PLCH2: variants seen among roughly 807,000 people sequenced by gnomAD.
PLCH2 encodes 1-phosphatidylinositol 4,5-bisphosphate phosphodiesterase eta-2.
In PLCH2, 98 loss-of-function variants were observed where a neutral mutation model predicts 134.7. That is an observed-to-expected ratio of 0.73 (90% confidence interval 0.62 to 0.86). PLCH2 has a LOEUF of 0.86. Ranked by LOEUF, PLCH2 falls within the 40% of genes least tolerant of loss-of-function variation. PLCH2 has a pLI of 0.00. For synonymous variants in PLCH2, 974 were observed against 827.5 expected (o/e 1.18, Z -3.04); for missense variants, 1,994 against 1,986.6 (o/e 1.00, Z -0.07).
At chr1:2,421,743 G>A (rs1201190527), upstream of PLCH2, among the ~76,000 whole-genome samples, 1 of 152,166 alleles carries the variant, frequency 6.6e-6, no homozygotes, top group Non-Finnish European at 1.5e-5. Context: ...GGAGGTCAAG[G>A]CAGGAGGATC....
intron 2 of PLCH2, among the ~76,000 whole-genome samples, chr1:2,447,053 C>G (rs988443246): frequency 1.1e-4 from 16 of 152,326 alleles, no homozygotes; most frequent in Admixed American, 2.0e-4. Flanking sequence ...CTCCCACCCC[C>G]TCATGTGCTC....
chr1:2,487,566 C>T (rs760909558), intron 7 of PLCH2, 32 bp from the exon 8 acceptor site: 1 of 1,601,642 alleles, frequency 6.2e-7, no homozygotes, highest in East Asian at 2.2e-5. Flanking sequence ...TGGCTAGGCC[C>T]CTGGGGCTGA....
At chr1:2,419,829 C>T in the PLCH2 span, among the ~76,000 whole-genome samples, 2 of 152,178 alleles carry the variant, frequency 1.3e-5, no homozygotes, top group South Asian at 2.1e-4. Flanking sequence ...TGAAGCTGTC[C>T]GTAGAAGCTG....
chr1:2,487,570 G>C, intron 7 of PLCH2, 28 bp from the exon 8 acceptor site: 1 of 1,603,684 alleles, frequency 6.2e-7, no homozygotes, highest in East Asian at 2.2e-5. Context: ...TAGGCCCCTG[G>C]GGCTGACCAA....
At position 2,439,386 on chromosome 1, in the gene PLCH2, C is replaced by T. The variant is rs955257039; in HGVS notation, c.115+8757C>T. Among the ~76,000 whole-genome samples the T allele has an allele frequency of 5.3e-5, 8 of 152,162 alleles. No individual in the cohort carries two copies. The highest frequency in any genetic ancestry group is 8.8e-5 in the Non-Finnish European group (6 of 68,034). Reference sequence around the variant, plus strand: ...TGGTCCCCGACCCCAGGGCTGCCCCCGGGTTCTGGGCCCTGTTCATGGGAA... The same window carrying T: ...TGGTCCCCGACCCCAGGGCTGCCCCTGGGTTCTGGGCCCTGTTCATGGGAA... On this transcript the variant is annotated intron_variant, in intron 2 of 3. Coordinates refer to the PLCH2 transcript ENST00000609981. The surrounding 1 kb of genome is among the most constrained non-coding windows in gnomAD (Gnocchi z 4.7).
chr1:2,418,601 G>A, the PLCH2 span, among the ~76,000 whole-genome samples: 1,063 of 152,348 alleles, frequency 7.0e-3, 9 homozygotes, highest in African/African-American at 0.023. Context: ...GATGCCCGAT[G>A]GACAATAAGG....
At chr1:2,486,434 G>C (rs112388530) in intron 5 of PLCH2, among the ~76,000 whole-genome samples, 1 of 152,228 alleles carries the variant, frequency 6.6e-6, no homozygotes, top group South Asian at 2.1e-4. Flanking sequence ...CCCTTGGCCT[G>C]TGATGCCTGG....
upstream of PLCH2, among the ~76,000 whole-genome samples, chr1:2,425,120 G>A (rs867648217): frequency 4.7e-4 from 66 of 141,016 alleles, no homozygotes; most frequent in African/African-American, 1.7e-3. Flanking sequence ...CGGAGATCGC[G>A]CCACCGCACT....
rs1202887864 is a variant in PLCH2 at position 2,498,435 on chromosome 1, G to A, written c.2225-88G>A. The stretch of plus-strand genomic sequence containing the variant: ...GGCTCCAGTCTCCTATGTGGGGGCT[G>A]GGGAGGGGGCTGTTGGCAGCCATGC... On this transcript the variant is annotated intron_variant, in intron 16 of 21. Coordinates refer to ENST00000378486, the MANE Select transcript of PLCH2 (RefSeq NM_014638.4). The surrounding 1 kb of genome is among the most constrained non-coding windows in gnomAD (Gnocchi z 5.4). The A allele has an allele frequency of 2.7e-6, 4 of 1,456,090 alleles. No homozygotes were observed. Among genetic ancestry groups the A allele is most frequent in the African/African-American group, 2.8e-5 (2 of 71,396 alleles). The allele number at this position is 1,456,090 out of a possible 1,614,324, so 90.2% of individuals were successfully genotyped here. A position where few individuals can be genotyped will look rare whatever the true frequency, so the allele number is the denominator to read the frequency against.
At chr1:2,437,432 A>G (rs908889885) in intron 2 of PLCH2, among the ~76,000 whole-genome samples, 1 of 151,258 alleles carries the variant, frequency 6.6e-6, no homozygotes, top group Non-Finnish European at 1.5e-5. Context: ...TCAACCTCAG[A>G]CCCTGACTCC....
At chr1:2,469,576 G>A (rs1450782041) in intron 1 of PLCH2, among the ~76,000 whole-genome samples, 1 of 152,192 alleles carries the variant, frequency 6.6e-6, no homozygotes, top group Non-Finnish European at 1.5e-5. Flanking sequence ...TGCTGGGGCA[G>A]GTGTGTGTGG....
At chr1:2,452,076 C>T (rs1483054198) in intron 2 of PLCH2, among the ~76,000 whole-genome samples, 1 of 152,166 alleles carries the variant, frequency 6.6e-6, no homozygotes, top group Non-Finnish European at 1.5e-5. Flanking sequence ...AAGGCGCCCC[C>T]TCCCTCTGGC....
intron 2 of PLCH2, among the ~76,000 whole-genome samples, chr1:2,435,454 T>TGGCTGGA (rs58056215): frequency 3.5e-4 from 53 of 150,858 alleles, no homozygotes; most frequent in African/African-American, 1.0e-3. Context: ...AGGTTCCAAA[T>TGGCTGGA]GGCTGGAGGC....
chr1:2,503,865 CCTCT>C (rs1042380102), intron 21 of PLCH2, 53 bp from the exon 22 acceptor site: 26 of 664,624 alleles, frequency 3.9e-5, no homozygotes, highest in African/African-American at 3.4e-4. Flanking sequence ...TCCCTGCCTC[CCTCT>C]CTCTCTTCTG....
At position 2,505,187 on chromosome 1, in the gene PLCH2, G is replaced by A; in HGVS notation, c.4225G>A (p.Glu1409Lys). The stretch of plus-strand genomic sequence containing the variant: ...CCTCGGGCCAGCATCCGCGGCTGCT[G>A]AAAACCTGGTCCTGCTCCGCCTCTG... ...GALGPASAAAENLVLLRL is the reference protein window; with the variant it reads ...GALGPASAAAKNLVLLRL Residue 1409 changes from glutamate to lysine, a missense_variant, in exon 22 of 22, where the codon GAA becomes AAA. Transcript: ENST00000378486. 2.5e-6 allele frequency: 4 copies of A among 1,572,650 alleles called. No individual in the cohort carries two copies. The highest frequency in any genetic ancestry group is 3.4e-6 in the Non-Finnish European group (4 of 1,169,224).
chr1:2,483,323 T>A (rs1230389792), intron 4 of PLCH2, among the ~76,000 whole-genome samples: 1 of 151,988 alleles, frequency 6.6e-6, no homozygotes, highest in East Asian at 1.9e-4. Flanking sequence ...ACATCCTCAG[T>A]GGGGGGCCAG....
rs998613929 is a variant in PLCH2 at position 2,448,443 on chromosome 1, C to A, written c.115+17814C>A. 6.6e-6 allele frequency among the ~76,000 whole-genome samples: 1 copy of A among 152,186 alleles called. No individual in the cohort carries two copies. The highest frequency in any genetic ancestry group is 2.4e-5 in the African/African-American group (1 of 41,438). ...TCGCCCTTCTCTCCGTCTTCTCTTG[C>A]GCCTCGAGTCTCCTTTGTCCTGTAG... is the stretch of plus-strand genomic sequence containing the variant. On this transcript the variant is annotated intron_variant, in intron 2 of 3. Transcript: ENST00000609981. This position sits in a 1 kb window ranked among gnomAD's most constrained non-coding sequence, Gnocchi z 4.0.
In PLCH2 at chr1:2,499,208, G is replaced by A; in HGVS notation, c.2559G>A (p.Leu853=). ...GTGACTTCATTGGCCAGAGGACGCT[G>A]GCCTTCAGCAGCATGATGCCAGGTG... ...IGRDFIGQRT[L]AFSSMMPGYR... is the part of the protein sequence containing the mutation. Residue 853 remains leucine (L), a synonymous_variant, in exon 19 of 22, where the codon CTG becomes CTA. Coordinates refer to ENST00000378486, the MANE Select transcript of PLCH2 (RefSeq NM_014638.4). 1.9e-6 allele frequency: 3 copies of A among 1,613,012 alleles called. No homozygotes were observed. Among genetic ancestry groups the A allele is most frequent in the Non-Finnish European group, 2.5e-6 (3 of 1,179,792 alleles).
intron 1 of PLCH2, among the ~76,000 whole-genome samples, chr1:2,470,783 G>A (rs1641287658): frequency 6.6e-6 from 1 of 152,186 alleles, no homozygotes; most frequent in African/African-American, 2.4e-5. Flanking sequence ...CCAGCTGGCA[G>A]GCCAGGCTCC....
Sources: allele counts gnomAD v4.1 joint callset (sites outside exome capture counted in the v4.1 genomes callset), GRCh38; gene constraint gnomAD v4.1.1; non-coding constraint Gnocchi (gnomAD v3.1); transcripts MANE v1.5; gene names NCBI Gene and HGNC (gene_info 2026-07-23, HGNC 2026-07-21).